DCDC2: variants seen among roughly 807,000 people sequenced by gnomAD.
DCDC2 encodes doublecortin domain-containing protein 2.
A neutral mutation model predicts 50.2 loss-of-function variants in DCDC2; 40 were observed. The observed-to-expected ratio is 0.80, with a 90% CI of 0.62 to 1.04. DCDC2 has a LOEUF of 1.04. Among genes scored for constraint, DCDC2 ranks in the 50% least tolerant of loss-of-function variants. DCDC2 has a pLI of 0.00. For synonymous variants in DCDC2, 234 were observed against 210.6 expected (o/e 1.11, Z -0.96); for missense variants, 570 against 581.9 (o/e 0.98, Z 0.21).
chr6:24,292,343 CAA>C (rs67697487), intron 4 of DCDC2, among the ~76,000 whole-genome samples: 4 of 144,356 alleles, frequency 2.8e-5, no homozygotes, highest in African/African-American at 1.0e-4. Flanking sequence ...TTTACAGACG[CAA>C]AAAAAAAAAC....
chr6:24,179,404 TG>T (rs1369658494), intron 8 of DCDC2, among the ~76,000 whole-genome samples: 1 of 145,760 alleles, frequency 6.9e-6, no homozygotes, highest in African/African-American at 2.5e-5. Context: ...AAAAATTAGC[TG>T]GGCATGGTGG....
chr6:24,382,560 T>G, the DCDC2 span, among the ~76,000 whole-genome samples: 1 of 152,286 alleles, frequency 6.6e-6, no homozygotes, highest in South Asian at 2.1e-4. Flanking sequence ...AGTTTGCTGG[T>G]TTTTTGTTGT....
At chr6:24,261,677 CT>C (rs1763013032) in intron 7 of DCDC2, among the ~76,000 whole-genome samples, 1 of 152,144 alleles carries the variant, frequency 6.6e-6, no homozygotes, top group East Asian at 1.9e-4. Flanking sequence ...TTTTCTCATC[CT>C]TATGTCTTAC....
chr6:24,315,840 G>C (rs1015348411), intron 2 of DCDC2, among the ~76,000 whole-genome samples: 10 of 152,198 alleles, frequency 6.6e-5, no homozygotes, highest in African/African-American at 2.4e-4. Context: ...ACATGGAGAA[G>C]AGACTGCAGA....
chr6:24,311,483 T>C (rs1046708465), intron 2 of DCDC2, among the ~76,000 whole-genome samples: 17 of 152,226 alleles, frequency 1.1e-4, no homozygotes, highest in African/African-American at 3.9e-4. Context: ...TTTTTGAGCA[T>C]ATATTATGCC....
the DCDC2 span, among the ~76,000 whole-genome samples, chr6:24,365,065 C>T: frequency 1.3e-5 from 2 of 151,768 alleles, no homozygotes; most frequent in African/African-American, 4.8e-5. Context: ...AGCCTCTTGT[C>T]AGGTGAATTC....
intron 2 of DCDC2, among the ~76,000 whole-genome samples, chr6:24,328,737 T>C (rs922810454): frequency 7.2e-5 from 11 of 152,212 alleles, no homozygotes; most frequent in African/African-American, 2.7e-4. Flanking sequence ...TCATGCAATA[T>C]TAATTGCATG....
intron 7 of DCDC2, among the ~76,000 whole-genome samples, chr6:24,246,107 T>C (rs1210437875): frequency 6.6e-6 from 1 of 152,002 alleles, no homozygotes; most frequent in Non-Finnish European, 1.5e-5. Context: ...ATTACAGGTA[T>C]AAGCCACCGC....
intron 8 of DCDC2, among the ~76,000 whole-genome samples, chr6:24,190,142 G>A (rs949344227): frequency 6.6e-6 from 1 of 151,602 alleles, no homozygotes; most frequent in African/African-American, 2.4e-5. Flanking sequence ...GTTATATTCA[G>A]AGACATGACC....
At chr6:24,276,823 T>C (rs1335888882) in intron 7 of DCDC2, among the ~76,000 whole-genome samples, 1 of 151,268 alleles carries the variant, frequency 6.6e-6, no homozygotes, top group Non-Finnish European at 1.5e-5. Flanking sequence ...GAAATCTTCA[T>C]AAGAACCCAC....
intron 8 of DCDC2, among the ~76,000 whole-genome samples, chr6:24,188,777 A>G (rs1761255965): frequency 6.6e-6 from 1 of 152,128 alleles, no homozygotes; most frequent in African/African-American, 2.4e-5. Context: ...GAGGCAAAAA[A>G]GGGTATTCAT....
chr6:24,285,612 T>C (rs1763586908), intron 6 of DCDC2, among the ~76,000 whole-genome samples: 1 of 152,198 alleles, frequency 6.6e-6, no homozygotes, highest in Admixed American at 6.5e-5. Flanking sequence ...GTGATGACAT[T>C]GATGTATCAC....
rs538250661 is a variant in DCDC2 at position 24,281,955 on chromosome 6, A to G, written c.760-3744T>C. Among the ~76,000 whole-genome samples, 178 of 152,296 alleles carry G rather than the reference A, an allele frequency of 1.2e-3. 2 individuals carry two copies. Among genetic ancestry groups the G allele is most frequent in the African/African-American group, 4.2e-3 (176 of 41,568 alleles). ...TTTTCTACTACACTGAAACTTTCTA[A>G]TGTCCAAAGCACTAAAAACTCCTAT... On this transcript the variant is annotated intron_variant, in intron 6 of 9. Coordinates refer to ENST00000378454, the MANE Select transcript of DCDC2 (RefSeq NM_016356.5).
At chr6:24,230,536 T>C (rs1762319434) in intron 7 of DCDC2, among the ~76,000 whole-genome samples, 1 of 152,068 alleles carries the variant, frequency 6.6e-6, no homozygotes. Flanking sequence ...CCCAGCTACT[T>C]GATAGGCTGA....
intron 2 of DCDC2, among the ~76,000 whole-genome samples, chr6:24,313,257 C>T (rs1759603663): frequency 6.6e-6 from 1 of 152,066 alleles, no homozygotes; most frequent in Non-Finnish European, 1.5e-5. Context: ...AGTAAATGCC[C>T]ATGGGTTTCC....
chr6:24,205,264 C>G (rs777911894), intron 7 of DCDC2, 162 bp from the exon 8 acceptor site: 27 of 1,561,080 alleles, frequency 1.7e-5, no homozygotes, highest in Non-Finnish European at 2.3e-5. Flanking sequence ...ACACCACCCC[C>G]AGTTGTTCCA....
intron 2 of DCDC2, among the ~76,000 whole-genome samples, chr6:24,306,423 T>C (rs1018076809): frequency 6.6e-6 from 1 of 151,628 alleles, no homozygotes; most frequent in African/African-American, 2.4e-5. Context: ...CCGAGTGAAT[T>C]AGAGAGAGGA....
At chr6:24,375,492 T>C in the DCDC2 span, among the ~76,000 whole-genome samples, 1 of 152,076 alleles carries the variant, frequency 6.6e-6, no homozygotes, top group Non-Finnish European at 1.5e-5. Context: ...GAGATACGTA[T>C]ATATATATAG....
rs374571733 is a variant in DCDC2, at chr6:24,243,746, A to G, written c.922+34303T>C. Among the ~76,000 whole-genome samples, 136 of 152,268 alleles carry G rather than the reference A, an allele frequency of 8.9e-4. No homozygotes were observed. The South Asian group carries it at 0.027, about 30-fold the overall frequency. ...ACCTTTGGAAATCCTATAGGGCAGG[A>G]TCCCCATACTCTGAGCTAAGTGTGG... On this transcript the variant is annotated intron_variant, in intron 7 of 9. Coordinates refer to ENST00000378454, the MANE Select transcript of DCDC2 (RefSeq NM_016356.5).
Sources: allele counts gnomAD v4.1 joint callset (sites outside exome capture counted in the v4.1 genomes callset), GRCh38; gene constraint gnomAD v4.1.1; transcripts MANE v1.5; gene names NCBI Gene and HGNC (gene_info 2026-07-23, HGNC 2026-07-21).